The following STK32B variants were observed in gnomAD, a reference collection of about 807,000 sequenced individuals.
The protein encoded by STK32B is serine/threonine-protein kinase 32B.
STK32B carries 43 observed loss-of-function variants against 52.6 expected under a neutral mutation model. That is an observed-to-expected ratio of 0.82 (90% CI 0.64 to 1.05). STK32B has a LOEUF of 1.05. Among genes scored for constraint, STK32B ranks in the 50% least tolerant of loss-of-function variants. STK32B has a pLI of 0.00. For synonymous variants in STK32B, 238 were observed against 204.3 expected, an observed-to-expected ratio of 1.17 and a Z score of -1.41; for missense variants, 621 against 534.6, an observed-to-expected ratio of 1.16 and a Z score of -1.59.
chr4:5,362,261 GC>G (rs1734593383), intron 4 of STK32B, among the ~76,000 whole-genome samples: 1 of 152,150 alleles, frequency 6.6e-6, no homozygotes, highest in East Asian at 1.9e-4. Context: ...AGTCAGCTAA[GC>G]CCCAGACATT....
intron 8 of STK32B, among the ~76,000 whole-genome samples, chr4:5,457,214 T>TC (rs1716614321): frequency 7.4e-6 from 1 of 135,252 alleles, no homozygotes; most frequent in Admixed American, 7.2e-5. Context: ...TTTTTTTTCT[T>TC]TTTTTTTTTT....
At chr4:5,243,252 A>T (rs541206763) in intron 3 of STK32B, among the ~76,000 whole-genome samples, 1 of 152,024 alleles carries the variant, frequency 6.6e-6, no homozygotes, top group Non-Finnish European at 1.5e-5. Context: ...CTTTCATTTC[A>T]TTGAGCAGTG....
Position 5,310,753 on chromosome 4 carries a change from A to G in STK32B, c.261-20467A>G, listed in dbSNP as rs1347236190. Among the ~76,000 whole-genome samples, 4 of 152,206 alleles carry G rather than the reference A, an allele frequency of 2.6e-5. 1 individual carries two copies. Among genetic ancestry groups the G allele is most frequent in the Admixed American group, 2.6e-4 (4 of 15,276 alleles). Reference sequence around the variant, plus strand: ...GTATCTGCACTCCCACATTTATTGCAGCACTATTCATAATAGCCAAGATAT... The same window carrying G: ...GTATCTGCACTCCCACATTTATTGCGGCACTATTCATAATAGCCAAGATAT... On this transcript the variant is annotated intron_variant, in intron 3 of 11. Transcript: ENST00000282908.
chr4:5,455,282 T>G (rs17367340), intron 7 of STK32B, among the ~76,000 whole-genome samples: 46,571 of 152,206 alleles, frequency 0.31, 8,724 homozygotes, highest in Non-Finnish European at 0.43. Flanking sequence ...TCCATGAGGT[T>G]GGAGCCAGGA....
At chr4:5,154,717 T>C (rs1323265961) in intron 2 of STK32B, among the ~76,000 whole-genome samples, 1 of 152,198 alleles carries the variant, frequency 6.6e-6, no homozygotes, top group Non-Finnish European at 1.5e-5. Context: ...GCTGCTGATC[T>C]GCCTTCTCCA....
chr4:5,209,773 C>T (rs983755559), intron 3 of STK32B, among the ~76,000 whole-genome samples: 4 of 152,096 alleles, frequency 2.6e-5, no homozygotes, highest in South Asian at 4.1e-4. Flanking sequence ...GCCTAGGAAG[C>T]GTTTATAATA....
chr4:5,297,506 C>T (rs191866114), intron 3 of STK32B, among the ~76,000 whole-genome samples: 69 of 151,878 alleles, frequency 4.5e-4, no homozygotes, highest in Non-Finnish European at 7.8e-4. Flanking sequence ...CTTGTCTTCA[C>T]GCTTTATTTT....
intron 3 of STK32B, among the ~76,000 whole-genome samples, chr4:5,299,065 T>G (rs1729389911): frequency 6.6e-6 from 1 of 151,940 alleles, no homozygotes; most frequent in Non-Finnish European, 1.5e-5. Flanking sequence ...CCCAGCCCCT[T>G]CTGGGCTTCC....
Position 5,234,753 on chromosome 4 carries a change from A to G in STK32B, c.260+66303A>G, listed in dbSNP as rs1248322098. On this transcript the variant is annotated intron_variant, in intron 3 of 11. Coordinates refer to ENST00000282908, the MANE Select transcript of STK32B (RefSeq NM_018401.3). Reference sequence around the variant, plus strand: ...GAGAGGATATTCCTATCATCTTTGAATGGGAAGAAATTGGAACAGAAAAGT... The same window carrying G: ...GAGAGGATATTCCTATCATCTTTGAGTGGGAAGAAATTGGAACAGAAAAGT... 3.3e-5 allele frequency among the ~76,000 whole-genome samples: 5 copies of G among 152,396 alleles called. No homozygotes were observed. In the East Asian group the frequency reaches 5.8e-4, roughly 18 times the overall value.
intron 3 of STK32B, among the ~76,000 whole-genome samples, chr4:5,233,733 A>C (rs11935915): frequency 0.99 from 149,225 of 150,496 alleles, 74,000 homozygotes; most frequent in East Asian, 1. Flanking sequence ...CTGGGGTCAC[A>C]CATGCGGGAG....
At chr4:5,023,465 T>C in the STK32B span, among the ~76,000 whole-genome samples, 3 of 152,204 alleles carry the variant, frequency 2.0e-5, no homozygotes, top group Non-Finnish European at 4.4e-5. Context: ...TACAACTTCC[T>C]TCCAGTCTCT....
chr4:5,177,779 A>T lies in STK32B; in HGVS notation c.260+9329A>T, dbSNP rs535012074. On this transcript the variant is annotated intron_variant, in intron 3 of 11. Transcript: ENST00000282908. ...AAGTCCAAAATCCAACAGGGCAGTCATTAAACCTTTAAGTTCCAAAATGAT... is the reference window on the plus strand; with the variant it reads ...AAGTCCAAAATCCAACAGGGCAGTCTTTAAACCTTTAAGTTCCAAAATGAT... Among the ~76,000 whole-genome samples, 250 of 152,360 alleles carry T rather than the reference A, an allele frequency of 1.6e-3. 1 individual carries two copies. Among genetic ancestry groups the T allele is most frequent in the African/African-American group, 5.6e-3 (234 of 41,588 alleles).
intron 3 of STK32B, among the ~76,000 whole-genome samples, chr4:5,330,637 A>T (rs1158030454): frequency 6.6e-6 from 1 of 152,184 alleles, no homozygotes; most frequent in Non-Finnish European, 1.5e-5. Context: ...CTGGGAACTC[A>T]GCTGTGGATC....
chr4:5,051,998 G>T (rs1024149411), intron 1 of STK32B, 83 bp downstream of exon 1: 1 of 1,533,946 alleles, frequency 6.5e-7, no homozygotes, highest in African/African-American at 1.4e-5. Context: ...GCGGGGCACC[G>T]CATGCTGCCC....
chr4:5,452,756 C>G (rs900618798), intron 7 of STK32B, among the ~76,000 whole-genome samples: 1 of 152,092 alleles, frequency 6.6e-6, no homozygotes, highest in Non-Finnish European at 1.5e-5. Flanking sequence ...CCTCTGTCTT[C>G]TATTTTTTGG....
intron 6 of STK32B, among the ~76,000 whole-genome samples, chr4:5,435,237 G>A (rs1012738506): frequency 2.0e-5 from 3 of 152,170 alleles, no homozygotes; most frequent in Non-Finnish European, 4.4e-5. Context: ...AAGGCCTTGG[G>A]GAATTGTATT....
At chr4:5,170,772 G>A (rs1217298097) in intron 3 of STK32B, among the ~76,000 whole-genome samples, 6 of 152,102 alleles carry the variant, frequency 3.9e-5, no homozygotes, top group Non-Finnish European at 7.3e-5. Flanking sequence ...GTAAACATAC[G>A]TGTGCATGTG....
rs1268967478 is a variant in STK32B, at chr4:5,204,641, TG to T, written c.260+36192del. Among the ~76,000 whole-genome samples the T allele has an allele frequency of 4.6e-5, 7 of 152,040 alleles. No individual in the cohort carries two copies. The East Asian group carries it at 1.2e-3, about 25-fold the overall frequency. On this transcript the variant is annotated intron_variant, in intron 3 of 11. Transcript: ENST00000282908. ...GCTGCCACCACACCTGGCTAATTTT[TG>T]TATTTTTAGTAGAAATGGGGTTTCA... is the stretch of plus-strand genomic sequence containing the variant.
chr4:5,385,221 T>G, intron 4 of STK32B, among the ~76,000 whole-genome samples: 1 of 149,918 alleles, frequency 6.7e-6, no homozygotes, highest in African/African-American at 2.5e-5. Flanking sequence ...GGCAAGAGGG[T>G]GGGGGAAATG....
Sources: gnomAD v4.1 joint callset for allele counts (sites outside exome capture counted in the v4.1 genomes callset) on GRCh38, gnomAD v4.1.1 for gene constraint, MANE v1.5 for transcripts, NCBI Gene and HGNC (gene_info 2026-07-23, HGNC 2026-07-21) for gene names.